Variants in WDR86 observed in about 807,000 individuals in gnomAD.
WDR86 encodes WD repeat-containing protein 86.
In WDR86, 30 loss-of-function variants were observed where a neutral mutation model predicts 36.5. The observed-to-expected ratio is 0.82, with a 90% CI of 0.61 to 1.11. The LOEUF (loss-of-function observed/expected upper bound fraction) is 1.11. Ranked by LOEUF, WDR86 falls within the 50% of genes most tolerant of loss-of-function variation. WDR86 has a pLI of 0.00. For synonymous variants in WDR86, 255 were observed against 252.9 expected (o/e 1.01, Z -0.08); for missense variants, 545 against 561.2 (o/e 0.97, Z 0.29).
downstream of WDR86, chr7:151,377,030 G>C: frequency 6.6e-7 from 1 of 1,526,104 alleles, no homozygotes; most frequent in Non-Finnish European, 8.8e-7. Context: ...ACTTACTCCT[G>C]CGGTATTTTA....
intron 1 of WDR86, among the ~76,000 whole-genome samples, chr7:151,402,070 A>AAAAAATATATATATATATATATAT: frequency 2.0e-5 from 1 of 50,522 alleles, no homozygotes; most frequent in Non-Finnish European, 3.3e-5. Flanking sequence ...AAAAAAAAAA[A>AAAAAATATATATATATATATATAT]ATATATATAT....
downstream of WDR86, among the ~76,000 whole-genome samples, chr7:151,374,963 C>T (rs1000592070): frequency 7.2e-6 from 1 of 138,560 alleles, no homozygotes; most frequent in African/African-American, 2.6e-5. Context: ...TGGGGCAGCG[C>T]GGCGGGCAGG....
chr7:151,400,217 CAGA>C lies in WDR86; in HGVS notation c.185_187del (p.Phe62del), dbSNP rs1800184736. 4.3e-6 allele frequency: 7 copies of C among 1,610,118 alleles called. No homozygotes were observed. Among genetic ancestry groups the C allele is most frequent in the Non-Finnish European group, 5.1e-6 (6 of 1,178,166 alleles). ...GAAGGCAGCCTCATCCTCCAGCTGG[CAGA>C]AGGTCACATAGCTTTCATGTCCTGC... On this transcript the variant is annotated inframe_deletion, in exon 2 of 6. Coordinates refer to ENST00000334493, the MANE Select transcript of WDR86 (RefSeq NM_198285.3).
At chr7:151,403,458 C>A (rs1800478221) in intron 1 of WDR86, among the ~76,000 whole-genome samples, 1 of 152,158 alleles carries the variant, frequency 6.6e-6, no homozygotes, top group Non-Finnish European at 1.5e-5. Context: ...TTTAGAATTT[C>A]CTGGGTAGTT....
In WDR86 at chr7:151,405,870, C is replaced by CAT. The variant is rs530899654; in HGVS notation, c.163+3556_163+3557insAT. Among the ~76,000 whole-genome samples the CAT allele has an allele frequency of 2.8e-3, 430 of 152,294 alleles. 8 individuals carry two copies. Among genetic ancestry groups the CAT allele is most frequent in the African/African-American group, 1.0e-2 (415 of 41,558 alleles). On this transcript the variant is annotated intron_variant, in intron 1 of 5. Coordinates refer to ENST00000334493, the MANE Select transcript of WDR86 (RefSeq NM_198285.3). The surrounding 1 kb of genome is among the most constrained non-coding windows in gnomAD (Gnocchi z 4.7). ...ATCCCCGCCCCCTCATGTTAGAAGA[C>CAT]GAGGAAGCGTGTGGGACAGCCACAG...
At position 151,394,756 on chromosome 7, in the gene WDR86, A is replaced by T. The variant is rs142045104; in HGVS notation, c.726+1020T>A. On this transcript the variant is annotated intron_variant, in intron 3 of 5. Transcript: ENST00000334493. Reference sequence around the variant, plus strand: ...AAGCCCACGGACGGGGCAACTTCATACCATAATCCCTAATCTAAAACCTTG... The same window carrying T: ...AAGCCCACGGACGGGGCAACTTCATTCCATAATCCCTAATCTAAAACCTTG... Among the ~76,000 whole-genome samples the T allele has an allele frequency of 2.6e-3, 394 of 152,284 alleles. 2 individuals are homozygous for T. Among genetic ancestry groups the T allele is most frequent in the Middle Eastern group, 0.01 (3 of 294 alleles).
Position 151,381,172 on chromosome 7 carries a change from C to A in WDR86, c.*410G>T. On this transcript the variant is annotated 3_prime_UTR_variant, in exon 6 of 6. Transcript: ENST00000334493. This position sits in a 1 kb window ranked among gnomAD's most constrained non-coding sequence, Gnocchi z 4.8. ...TCAGTTCCCCCCAAGGCCCTCGAGA[C>A]GGACGATTTGCCAAAATAACCAGGT... The A allele has an allele frequency of 8.0e-7, 1 of 1,251,300 alleles. No homozygotes were observed. Among genetic ancestry groups the A allele is most frequent in the Non-Finnish European group, 1.0e-6 (1 of 1,000,630 alleles). 77.5% of individuals were successfully genotyped at this position (1,251,300 alleles called of 1,614,324 possible).
chr7:151,394,575 C>G (rs1199448901), intron 3 of WDR86, among the ~76,000 whole-genome samples: 2 of 152,240 alleles, frequency 1.3e-5, no homozygotes, highest in East Asian at 3.8e-4. Flanking sequence ...CATCTAGACC[C>G]CAGCATGGGG....
At chr7:151,376,129 T>C (rs1355959095), downstream of WDR86, 2 of 561,692 alleles carry the variant, frequency 3.6e-6, no homozygotes, top group Non-Finnish European at 6.4e-6. Context: ...GAGGCCTCCT[T>C]GGAAAGCAGG....
At chr7:151,404,521 G>A (rs1800571226) in intron 1 of WDR86, among the ~76,000 whole-genome samples, 1 of 152,194 alleles carries the variant, frequency 6.6e-6, no homozygotes, top group South Asian at 2.1e-4. Flanking sequence ...CCCTAGCGGG[G>A]AGGAGGCGGA....
chr7:151,378,727 G>A (rs969800012), downstream of WDR86, among the ~76,000 whole-genome samples: 1 of 152,230 alleles, frequency 6.6e-6, no homozygotes, highest in Non-Finnish European at 1.5e-5. Flanking sequence ...CGGAGTCTCA[G>A]CCTCATTTGA....
chr7:151,394,122 C>T (rs933605926), intron 3 of WDR86, among the ~76,000 whole-genome samples: 1 of 152,188 alleles, frequency 6.6e-6, no homozygotes, highest in African/African-American at 2.4e-5. Context: ...GCCCCTTCCC[C>T]ACGACGAGCT....
At chr7:151,398,748 G>C (rs1800076458) in intron 2 of WDR86, among the ~76,000 whole-genome samples, 1 of 152,190 alleles carries the variant, frequency 6.6e-6, no homozygotes, top group Non-Finnish European at 1.5e-5. Context: ...GCACATGTGA[G>C]AGTAAATCTG....
chr7:151,384,991 C>A, intron 4 of WDR86, 97 bp downstream of exon 4: 1 of 1,338,764 alleles, frequency 7.5e-7, no homozygotes, highest in Non-Finnish European at 1.0e-6. Flanking sequence ...TGATTGGCAG[C>A]CAAGGCTCAA....
the WDR86 span, among the ~76,000 whole-genome samples, chr7:151,370,813 G>A: frequency 1.3e-5 from 2 of 151,530 alleles, no homozygotes; most frequent in Non-Finnish European, 2.9e-5. Context: ...TTGTTCTTGC[G>A]ATAGTTTACT....
At chr7:151,380,202 G>A (rs1798484417), downstream of WDR86, among the ~76,000 whole-genome samples, 1 of 152,168 alleles carries the variant, frequency 6.6e-6, no homozygotes, top group African/African-American at 2.4e-5. Flanking sequence ...TGGTTCCCAG[G>A]GTTTGGAGGT....
chr7:151,404,884 C>T (rs530810523), intron 1 of WDR86, among the ~76,000 whole-genome samples: 14 of 152,306 alleles, frequency 9.2e-5, no homozygotes, highest in South Asian at 2.1e-4. Context: ...GGGTCTCTGC[C>T]GGCGGTGGGC....
intron 2 of WDR86, among the ~76,000 whole-genome samples, chr7:151,398,708 T>C (rs529227032): frequency 1.3e-5 from 2 of 152,290 alleles, no homozygotes; most frequent in East Asian, 1.9e-4. Context: ...GTTGTGTGTG[T>C]GCGCACATGT....
downstream of WDR86, chr7:151,377,426 C>A (rs1409016226): frequency 4.6e-6 from 2 of 435,798 alleles, no homozygotes; most frequent in Non-Finnish European, 8.1e-6. Context: ...TCTGGCCTGG[C>A]GCAGGCCGTT....
Sources: allele counts gnomAD v4.1 joint callset (sites outside exome capture counted in the v4.1 genomes callset), GRCh38; gene constraint gnomAD v4.1.1; non-coding constraint Gnocchi (gnomAD v3.1); transcripts MANE v1.5; gene names NCBI Gene and HGNC (gene_info 2026-07-23, HGNC 2026-07-21).